Variants in ADCY5 observed in about 807,000 individuals in gnomAD.
ADCY5 encodes the protein adenylate cyclase type 5.
Under a neutral mutation model 119.7 loss-of-function variants are expected in ADCY5, and 30 were observed. The observed-to-expected ratio is 0.25, with a 90% CI of 0.19 to 0.34. The LOEUF (loss-of-function observed/expected upper bound fraction) is 0.34, where lower values mean the gene tolerates loss of function less well. ADCY5 is among the 10% of genes least tolerant of loss of function. The pLI, the probability that ADCY5 is intolerant of heterozygous loss-of-function variation, is 1.00. For synonymous variants in ADCY5, 753 were observed against 762.2 expected (o/e 0.99, Z 0.20); for missense variants, 1,324 against 1,775.2 (o/e 0.75, Z 4.57).
intron 1 of ADCY5, among the ~76,000 whole-genome samples, chr3:123,429,373 C>G (rs1029777717): frequency 6.6e-6 from 1 of 152,174 alleles, no homozygotes; most frequent in Non-Finnish European, 1.5e-5. Flanking sequence ...ACTTCCAAAT[C>G]CAGAGGGGAC....
intron 1 of ADCY5, chr3:123,416,269 C>G: frequency 6.5e-7 from 1 of 1,536,136 alleles, no homozygotes; most frequent in Non-Finnish European, 8.7e-7. Context: ...AGACTTCATT[C>G]CTCAGGACTT....
intron 1 of ADCY5, among the ~76,000 whole-genome samples, chr3:123,377,183 T>C (rs565919054): frequency 6.6e-6 from 1 of 151,716 alleles, no homozygotes; most frequent in South Asian, 2.1e-4. Flanking sequence ...CCTCTCCCAC[T>C]TCAAACTTTG....
chr3:123,445,868 T>C (rs1453570940), intron 1 of ADCY5, among the ~76,000 whole-genome samples: 1 of 152,160 alleles, frequency 6.6e-6, no homozygotes, highest in Non-Finnish European at 1.5e-5. Context: ...TGTGCATCCA[T>C]GGAGGTTACA....
chr3:123,400,646 A>T (rs1269520486), intron 1 of ADCY5, among the ~76,000 whole-genome samples: 1 of 152,176 alleles, frequency 6.6e-6, no homozygotes, highest in Non-Finnish European at 1.5e-5. Flanking sequence ...AAGAGGCAGG[A>T]TATTAAAAAG....
At chr3:123,390,092 C>A (rs181620753) in intron 1 of ADCY5, among the ~76,000 whole-genome samples, 14 of 152,180 alleles carry the variant, frequency 9.2e-5, no homozygotes, top group Admixed American at 4.6e-4. Flanking sequence ...TGAGCCATCA[C>A]GATGCCAGTT....
At position 123,448,728 on chromosome 3, in the gene ADCY5, G is replaced by T; in HGVS notation, c.-183C>A. 1 of 468,444 alleles carries T rather than the reference G, an allele frequency of 2.1e-6. No homozygotes were observed. The highest frequency in any genetic ancestry group is 3.4e-6 in the Non-Finnish European group (1 of 290,988). The allele number at this position is 468,444 out of a possible 1,614,324, so 29.0% of individuals were successfully genotyped here. On this transcript the variant is annotated 5_prime_UTR_variant, in exon 1 of 21. It adds an upstream start codon to the 5' untranslated region. Coordinates refer to ENST00000462833, the MANE Select transcript of ADCY5 (RefSeq NM_183357.3). ...GTCCTGAGCGGAGGAGGAGGGCACA[G>T]CCCCGAGGTGAGAAGTAGCTGAGGA... is the stretch of plus-strand genomic sequence containing the variant.
At chr3:123,358,648 G>T (rs72626336) in intron 1 of ADCY5, among the ~76,000 whole-genome samples, 10,379 of 152,142 alleles carry the variant, frequency 0.068, 871 homozygotes, top group East Asian at 0.26. Flanking sequence ...AGATGGATGG[G>T]GTCCGAGTGG....
chr3:123,331,057 AAG>A (rs775739720), intron 4 of ADCY5, 41 bp from the exon 5 acceptor site: 1 of 1,584,966 alleles, frequency 6.3e-7, no homozygotes, highest in Non-Finnish European at 8.6e-7. Flanking sequence ...AATAGTAGGA[AAG>A]AGAAGTGGGA....
At chr3:123,396,775 AAGGAAGGCAGGCAGGC>A (rs1375192252) in intron 1 of ADCY5, among the ~76,000 whole-genome samples, 19 of 71,048 alleles carry the variant, frequency 2.7e-4, no homozygotes, top group East Asian at 2.6e-3. Context: ...GGAAGGAAGG[AAGGAAGGCAGGCAGGC>A]AGGCAGGCAG....
In ADCY5 at chr3:123,448,836, A is replaced by G; in HGVS notation, c.-291T>C. ...ACTGGTCTGGCTGCTGCTGCGCCGC[A>G]CGCGGAGAGACGTCCGGGATCCTGG... On this transcript the variant is annotated 5_prime_UTR_variant, in exon 1 of 21. Coordinates refer to ENST00000462833, the MANE Select transcript of ADCY5 (RefSeq NM_183357.3). 1 of 311,138 alleles carries G rather than the reference A, an allele frequency of 3.2e-6. No individual in the cohort carries two copies. Among genetic ancestry groups the G allele is most frequent in the Non-Finnish European group, 5.9e-6 (1 of 169,714 alleles). The allele number at this position is 311,138 out of a possible 1,614,324, so 19.3% of individuals were successfully genotyped here.
chr3:123,405,896 A>G (rs1944885597), intron 1 of ADCY5, among the ~76,000 whole-genome samples: 1 of 152,130 alleles, frequency 6.6e-6, no homozygotes, highest in Admixed American at 6.5e-5. Context: ...TGGCCTCCCA[A>G]AGTGCTGGGA....
intron 8 of ADCY5, among the ~76,000 whole-genome samples, chr3:123,323,983 G>T (rs1038906333): frequency 7.9e-5 from 12 of 152,128 alleles, no homozygotes; most frequent in Admixed American, 3.3e-4. Flanking sequence ...TCTTTGCTCA[G>T]GGGAGGGAGG....
chr3:123,425,277 C>T (rs553763569), intron 1 of ADCY5, among the ~76,000 whole-genome samples: 26 of 152,348 alleles, frequency 1.7e-4, no homozygotes, highest in African/African-American at 6.3e-4. Context: ...GGTCCTGCCT[C>T]ACCTAGACAC....
intron 1 of ADCY5, among the ~76,000 whole-genome samples, chr3:123,445,183 A>C (rs568578662): frequency 6.6e-6 from 1 of 152,364 alleles, no homozygotes; most frequent in East Asian, 1.9e-4. Context: ...CAGCCTTGCA[A>C]AAGTCTAAAG....
Position 123,286,154 on chromosome 3 carries a change from C to A in ADCY5, c.3657+531G>T, listed in dbSNP as rs1021075765. The stretch of plus-strand genomic sequence containing the variant: ...AAAGCAGCAGCTGAAGAACAGCAGG[C>A]CGGGAAACCACAAGCCCAGCTCGCA... On this transcript the variant is annotated intron_variant, in intron 20 of 20. Coordinates refer to ENST00000462833, the MANE Select transcript of ADCY5 (RefSeq NM_183357.3). The surrounding 1 kb of genome is among the most constrained non-coding windows in gnomAD (Gnocchi z 4.2). Among the ~76,000 whole-genome samples, 3 of 152,202 alleles carry A rather than the reference C, an allele frequency of 2.0e-5. No homozygotes were observed.
chr3:123,314,338 A>C lies in ADCY5; in HGVS notation c.2355-16T>G. ...GAATATGGAGCTGGAAGGAGAGAGG[A>C]GGGGAGGGAGAAGCCAGGCTCAGGT... On this transcript the variant is annotated splice_polypyrimidine_tract_variant and intron_variant, in intron 11 of 20. Transcript: ENST00000462833. 6.3e-7 allele frequency: 1 copy of C among 1,597,806 alleles called. No individual in the cohort carries two copies. The highest frequency in any genetic ancestry group is 8.6e-7 in the Non-Finnish European group (1 of 1,167,060).
chr3:123,335,776 C>G (rs912367017), intron 3 of ADCY5, among the ~76,000 whole-genome samples: 10 of 152,186 alleles, frequency 6.6e-5, no homozygotes, highest in Admixed American at 6.5e-5. Flanking sequence ...CATCCCAAGG[C>G]TTCAGCCAGG....
chr3:123,366,629 C>T (rs576862873), intron 1 of ADCY5, among the ~76,000 whole-genome samples: 8 of 152,116 alleles, frequency 5.3e-5, no homozygotes, highest in Non-Finnish European at 1.0e-4. Flanking sequence ...TCTTACACAC[C>T]ACGAAACTTG....
At chr3:123,355,564 T>C (rs1943010259) in intron 1 of ADCY5, among the ~76,000 whole-genome samples, 1 of 151,802 alleles carries the variant, frequency 6.6e-6, no homozygotes, top group Admixed American at 6.6e-5. Context: ...CTGGAACCAA[T>C]GCCCTGTGAA....
Sources: gnomAD v4.1 joint callset for allele counts (sites outside exome capture counted in the v4.1 genomes callset) on GRCh38, gnomAD v4.1.1 for gene constraint, Gnocchi (gnomAD v3.1) non-coding constraint, MANE v1.5 for transcripts, NCBI Gene and HGNC (gene_info 2026-07-23, HGNC 2026-07-21) for gene names.